PCDHGB7: variants seen among roughly 807,000 people sequenced by gnomAD.
The protein encoded by PCDHGB7 is protocadherin gamma-B7.
PCDHGB7 carries 37 observed loss-of-function variants against 61.4 expected under a neutral mutation model. The observed-to-expected ratio is 0.60, with a 90% CI of 0.46 to 0.79. The LOEUF is 0.79. PCDHGB7 is among the 30% of genes least tolerant of loss of function. PCDHGB7 has a pLI of 0.00. For synonymous variants in PCDHGB7, 464 were observed against 503.5 expected, an observed-to-expected ratio of 0.92 and a Z score of 1.05; for missense variants, 1,166 against 1,202.5, an observed-to-expected ratio of 0.97 and a Z score of 0.45.
intron 1 of PCDHGB7, among the ~76,000 whole-genome samples, chr5:141,463,095 G>C (rs1299676667): frequency 6.6e-6 from 1 of 152,098 alleles, no homozygotes; most frequent in African/African-American, 2.4e-5. Context: ...AGCCCTATGT[G>C]ACCATCAAGA....
Position 141,476,110 on chromosome 5 carries a change from G to A in PCDHGB7, c.2416-18697G>A. ...GACCCCGCTGAGAGGAACTGCTTTT[G>A]AGTGAGATGGTCCCAGAGGCCTGGA... On this transcript the variant is annotated intron_variant, in intron 1 of 3. Transcript: ENST00000398594. The surrounding 1 kb of genome is among the most constrained non-coding windows in gnomAD (Gnocchi z 7.6). 1.9e-6 allele frequency: 3 copies of A among 1,589,382 alleles called. No homozygotes were observed. The highest frequency in any genetic ancestry group is 2.6e-6 in the Non-Finnish European group (3 of 1,170,364).
intron 2 of PCDHGB7, among the ~76,000 whole-genome samples, chr5:141,505,117 G>A (rs575627148): frequency 1.8e-4 from 27 of 152,226 alleles, no homozygotes; most frequent in African/African-American, 3.6e-4. Context: ...AGCCAAGATC[G>A]CGCCACTGCA....
intron 1 of PCDHGB7, chr5:141,475,845 G>C: frequency 4.5e-6 from 2 of 448,002 alleles, no homozygotes; most frequent in Non-Finnish European, 7.9e-6. Context: ...TGCTCAGAGA[G>C]CCCGGCGCTA....
chr5:141,496,077 C>G (rs1269618753), intron 2 of PCDHGB7, among the ~76,000 whole-genome samples: 1 of 152,042 alleles, frequency 6.6e-6, no homozygotes, highest in African/African-American at 2.4e-5. Flanking sequence ...CACACACAAC[C>G]CCCCACCCAC....
At position 141,512,346 on chromosome 5, in the gene PCDHGB7, G is replaced by A. The variant is rs1391003897; in HGVS notation, c.*1173G>A. ...CAGGCCATTCTTAGTCCCTGGGTTG[G>A]GGAGGCAGGGAGCTAGGGCAGGGAC... On this transcript the variant is annotated 3_prime_UTR_variant, in exon 4 of 4. Transcript: ENST00000398594. 6.5e-6 allele frequency: 1 copy of A among 152,876 alleles called. No individual in the cohort carries two copies. Among genetic ancestry groups the A allele is most frequent in the Non-Finnish European group, 1.5e-5 (1 of 68,232 alleles). 9.5% of individuals were successfully genotyped at this position (152,876 alleles called of 1,614,324 possible). A position where few individuals can be genotyped will look rare whatever the true frequency, so the allele number is the denominator to read the frequency against.
At position 141,486,427 on chromosome 5, in the gene PCDHGB7, A is replaced by T. The variant is rs775958317; in HGVS notation, c.2416-8380A>T. ...CTGGACCCTTGGATCGAGAGGCCAAATCTAGCTATGACATCATGGTCACTG... is the reference window on the plus strand; with the variant it reads ...CTGGACCCTTGGATCGAGAGGCCAATTCTAGCTATGACATCATGGTCACTG... On this transcript the variant is annotated intron_variant, in intron 1 of 3. Transcript: ENST00000398594. The surrounding 1 kb of genome is among the most constrained non-coding windows in gnomAD (Gnocchi z 5.0). 17 of 1,614,042 alleles carry T rather than the reference A, an allele frequency of 1.1e-5. No homozygotes were observed. The Admixed American group carries it at 2.8e-4, about 27-fold the overall frequency.
intron 1 of PCDHGB7, among the ~76,000 whole-genome samples, chr5:141,450,666 T>G (rs1434496607): frequency 6.6e-6 from 1 of 151,890 alleles, no homozygotes; most frequent in African/African-American, 2.4e-5. Context: ...TTTGTACTTT[T>G]AGTAGAAACG....
intron 1 of PCDHGB7, among the ~76,000 whole-genome samples, chr5:141,473,910 A>G (rs1165685707): frequency 6.6e-6 from 1 of 152,168 alleles, no homozygotes; most frequent in Non-Finnish European, 1.5e-5. Flanking sequence ...AAGAGGTCTT[A>G]AGAAAACTAT....
At position 141,493,444 on chromosome 5, in the gene PCDHGB7, G is replaced by T. The variant is rs2099748313; in HGVS notation, c.2416-1363G>T. On this transcript the variant is annotated intron_variant, in intron 1 of 3. Transcript: ENST00000398594. This position sits in a 1 kb window ranked among gnomAD's most constrained non-coding sequence, Gnocchi z 4.3. ...GCTTCTGCTGGGATGGGGCAAGGGT[G>T]GGGTTCCTTCCCTTTTAGGACCTTA... Among the ~76,000 whole-genome samples, 1 of 152,174 alleles carries T rather than the reference G, an allele frequency of 6.6e-6. No homozygotes were observed. Among genetic ancestry groups the T allele is most frequent in the South Asian group, 2.1e-4 (1 of 4,826 alleles).
chr5:141,500,051 C>A (rs991931153), intron 2 of PCDHGB7, among the ~76,000 whole-genome samples: 1 of 151,988 alleles, frequency 6.6e-6, no homozygotes, highest in Non-Finnish European at 1.5e-5. Context: ...TATCTTAATG[C>A]TCTTTTAATG....
Position 141,431,442 on chromosome 5 carries a change from T to G in PCDHGB7, c.2415+11168T>G. 6.2e-7 allele frequency: 1 copy of G among 1,613,746 alleles called. No individual in the cohort carries two copies. The highest frequency in any genetic ancestry group is 1.7e-5 in the Admixed American group (1 of 60,014). The stretch of plus-strand genomic sequence containing the variant: ...CCGGTGCGCACAGGCACCGCGCGCA[T>G]CCGCGTGATGGTTCTGGATGCGAAC... On this transcript the variant is annotated intron_variant, in intron 1 of 3. Coordinates refer to ENST00000398594, the MANE Select transcript of PCDHGB7 (RefSeq NM_018927.4). This position sits in a 1 kb window ranked among gnomAD's most constrained non-coding sequence, Gnocchi z 4.8.
At chr5:141,505,345 G>C (rs776607130) in intron 2 of PCDHGB7, 48 bp from the exon 3 acceptor site, 3 of 1,613,086 alleles carry the variant, frequency 1.9e-6, no homozygotes, top group Non-Finnish European at 2.5e-6. Flanking sequence ...AGGGGCATGA[G>C]CTGTGCCGGC....
At chr5:141,441,962 G>A in intron 1 of PCDHGB7, 1 of 313,768 alleles carries the variant, frequency 3.2e-6, no homozygotes, top group Admixed American at 4.1e-5. Context: ...AGCAAGCCCA[G>A]GCTCTTCAGC....
intron 1 of PCDHGB7, chr5:141,422,451 C>A: frequency 6.2e-7 from 1 of 1,611,518 alleles, no homozygotes; most frequent in East Asian, 2.2e-5. Context: ...TGATAACAAG[C>A]AGAGTGCTGG....
At position 141,431,566 on chromosome 5, in the gene PCDHGB7, T is replaced by G; in HGVS notation, c.2415+11292T>G. ...TGCTTGTAGTCAACGCTACCGACCCTGACGAAGGAGTCAATGCGGAAGTGA... is the reference window on the plus strand; with the variant it reads ...TGCTTGTAGTCAACGCTACCGACCCGGACGAAGGAGTCAATGCGGAAGTGA... On this transcript the variant is annotated intron_variant, in intron 1 of 3. Transcript: ENST00000398594. This position sits in a 1 kb window ranked among gnomAD's most constrained non-coding sequence, Gnocchi z 4.8. 6.2e-7 allele frequency: 1 copy of G among 1,614,128 alleles called. No homozygotes were observed. The highest frequency in any genetic ancestry group is 1.1e-5 in the South Asian group (1 of 91,088).
chr5:141,509,979 T>C (rs908103989), intron 3 of PCDHGB7, among the ~76,000 whole-genome samples: 4 of 152,204 alleles, frequency 2.6e-5, no homozygotes, highest in African/African-American at 7.2e-5. Context: ...CTTCTAACAC[T>C]TGGTTCCCTC....
chr5:141,439,150 G>A (rs971023726), intron 1 of PCDHGB7, among the ~76,000 whole-genome samples: 7 of 149,122 alleles, frequency 4.7e-5, no homozygotes, highest in South Asian at 2.1e-4. Flanking sequence ...CTGAGATCAC[G>A]CCACTGCACT....
rs11410533 is a variant in PCDHGB7, at chr5:141,429,387, TA to T, written c.2415+9121del. ...AAATGGAGAAAATGTGTTTTTTTTT[TA>T]AAAAAAATTGAGATTAAGGTCTCAT... On this transcript the variant is annotated intron_variant, in intron 1 of 3. Transcript: ENST00000398594. Among the ~76,000 whole-genome samples, 10 of 151,446 alleles carry T rather than the reference TA, an allele frequency of 6.6e-5. No individual in the cohort carries two copies. In the South Asian group the frequency reaches 1.0e-3, roughly 16 times the overall value.
chr5:141,433,090 C>T, intron 1 of PCDHGB7: 2 of 1,614,210 alleles, frequency 1.2e-6, no homozygotes, highest in Non-Finnish European at 1.7e-6. Flanking sequence ...ACTATGCAGA[C>T]ATGCTCGTCA....
Sources: allele counts gnomAD v4.1 joint callset (sites outside exome capture counted in the v4.1 genomes callset), GRCh38; gene constraint gnomAD v4.1.1; non-coding constraint Gnocchi (gnomAD v3.1); transcripts MANE v1.5; gene names NCBI Gene and HGNC (gene_info 2026-07-23, HGNC 2026-07-21).